Variants in RAPGEF2 observed in about 807,000 individuals in gnomAD.
RAPGEF2 encodes Rap guanine nucleotide exchange factor 2, also known as PDZ domain containing guanine nucleotide exchange factor (GEF) 1.
A neutral mutation model predicts 186.7 loss-of-function variants in RAPGEF2; 54 were observed. That is an observed-to-expected ratio of 0.29 (90% CI 0.23 to 0.36). The LOEUF is 0.36. RAPGEF2 is among the 10% of genes least tolerant of loss of function. RAPGEF2 has a pLI of 1.00. For synonymous variants in RAPGEF2, 712 were observed against 705.9 expected (o/e 1.01, Z -0.14); for missense variants, 1,532 against 2,045.0 (o/e 0.75, Z 4.84).
chr4:159,333,311 C>T (rs1254729655), intron 17 of RAPGEF2, among the ~76,000 whole-genome samples: 4 of 152,110 alleles, frequency 2.6e-5, no homozygotes, highest in Admixed American at 6.6e-5. Flanking sequence ...GTGTGTTTGC[C>T]TCCTGTCTCC....
intron 7 of RAPGEF2, chr4:159,267,063 C>A: frequency 5.1e-6 from 4 of 790,184 alleles, no homozygotes; most frequent in Admixed American, 3.5e-5. Flanking sequence ...ACCATTTGAG[C>A]TGAATATTTC....
intron 7 of RAPGEF2, among the ~76,000 whole-genome samples, chr4:159,289,439 T>A (rs1490108108): frequency 1.3e-5 from 2 of 152,190 alleles, no homozygotes; most frequent in Non-Finnish European, 2.9e-5. Flanking sequence ...TGTTTTAGTT[T>A]TATTCTGGTG....
At chr4:159,324,815 A>G (rs1288177249) in intron 11 of RAPGEF2, among the ~76,000 whole-genome samples, 1 of 152,186 alleles carries the variant, frequency 6.6e-6, no homozygotes, top group Non-Finnish European at 1.5e-5. Context: ...CAACCACTAT[A>G]TTACAGAGAA....
intron 7 of RAPGEF2, among the ~76,000 whole-genome samples, chr4:159,280,358 A>G (rs1759524363): frequency 6.6e-6 from 1 of 152,224 alleles, no homozygotes; most frequent in African/African-American, 2.4e-5. Flanking sequence ...AAGCTGTATT[A>G]AGATATATTT....
intron 17 of RAPGEF2, 33 bp from the exon 18 acceptor site, chr4:159,338,278 G>C (rs1344513040): frequency 6.3e-7 from 1 of 1,583,510 alleles, no homozygotes. Context: ...TTTTTAACTT[G>C]TTGATAATTT....
chr4:159,323,768 G>A, intron 11 of RAPGEF2, 151 bp downstream of exon 11: 1 of 391,598 alleles, frequency 2.6e-6, no homozygotes, highest in Non-Finnish European at 4.1e-6. Context: ...AGCCAGGCTG[G>A]AGTGCAGCGG....
At chr4:159,213,469 C>T (rs1450060990) in intron 4 of RAPGEF2, among the ~76,000 whole-genome samples, 3 of 152,144 alleles carry the variant, frequency 2.0e-5, no homozygotes, top group African/African-American at 2.4e-5. Context: ...ACGGGTAATT[C>T]ACCTTGAAAG....
Position 159,261,458 on chromosome 4 carries a change from T to C in RAPGEF2, c.543+17667T>C, listed in dbSNP as rs71609032. On this transcript the variant is annotated intron_variant, in intron 7 of 29. Transcript: ENST00000691494. The stretch of plus-strand genomic sequence containing the variant: ...GCTAATTATTAGGAAACTATTATGG[T>C]TAGCTGTAATCTGCCTCTCCATAAT... Among the ~76,000 whole-genome samples, 72 of 152,374 alleles carry C rather than the reference T, an allele frequency of 4.7e-4. 1 individual carries two copies. In the East Asian group the frequency reaches 0.011, roughly 23 times the overall value.
chr4:159,253,250 T>G (rs186413789), intron 7 of RAPGEF2, among the ~76,000 whole-genome samples: 1 of 152,370 alleles, frequency 6.6e-6, no homozygotes, highest in African/African-American at 2.4e-5. Context: ...ATGAGGAATT[T>G]AAAACCATGT....
intron 1 of RAPGEF2, among the ~76,000 whole-genome samples, chr4:159,177,412 C>T (rs1009842779): frequency 2.0e-5 from 3 of 152,110 alleles, no homozygotes; most frequent in African/African-American, 7.2e-5. Flanking sequence ...ACTATCAGTA[C>T]TGAAACTATG....
chr4:159,346,757 T>G (rs936726148), intron 24 of RAPGEF2, 32 bp from the exon 25 acceptor site: 4 of 1,573,458 alleles, frequency 2.5e-6, no homozygotes, highest in Non-Finnish European at 2.6e-6. Flanking sequence ...CTAAAATTCT[T>G]TGTTCTATTT....
chr4:159,104,554 G>C (rs561699515), intron 1 of RAPGEF2, among the ~76,000 whole-genome samples: 5 of 113,266 alleles, frequency 4.4e-5, no homozygotes, highest in Non-Finnish European at 3.4e-5. Flanking sequence ...GAGAGAGAGA[G>C]TGTGTGTGTG....
intron 4 of RAPGEF2, among the ~76,000 whole-genome samples, chr4:159,214,720 A>G (rs1561094484): frequency 6.6e-6 from 1 of 152,240 alleles, no homozygotes; most frequent in South Asian, 2.1e-4. Flanking sequence ...CTAAATGTGT[A>G]TCTAGCTCTT....
intron 4 of RAPGEF2, among the ~76,000 whole-genome samples, chr4:159,225,782 G>A (rs1452382708): frequency 6.6e-6 from 1 of 151,736 alleles, no homozygotes; most frequent in Non-Finnish European, 1.5e-5. Context: ...TCTATATCTT[G>A]ACAAAGTGTC....
At chr4:159,175,424 T>C (rs992344101) in intron 1 of RAPGEF2, among the ~76,000 whole-genome samples, 9 of 152,092 alleles carry the variant, frequency 5.9e-5, no homozygotes, top group Non-Finnish European at 8.8e-5. Context: ...GCTGGTGATA[T>C]GACATTTTTG....
At chr4:159,305,440 A>AAC (rs1763165658) in intron 8 of RAPGEF2, among the ~76,000 whole-genome samples, 1 of 152,000 alleles carries the variant, frequency 6.6e-6, no homozygotes, top group Admixed American at 6.6e-5. Context: ...CAGTGATATT[A>AAC]AGCATTTTTT....
intron 7 of RAPGEF2, among the ~76,000 whole-genome samples, chr4:159,294,281 C>G (rs1761626555): frequency 6.6e-6 from 1 of 152,032 alleles, no homozygotes; most frequent in South Asian, 2.1e-4. Flanking sequence ...ATTTCCCGAG[C>G]TCCATACTCC....
In RAPGEF2 at chr4:159,287,321, GAAAT is replaced by G. The variant is rs33985604; in HGVS notation, c.544-17015_544-17012del. Among the ~76,000 whole-genome samples the G allele has an allele frequency of 7.0e-3, 1,069 of 152,142 alleles. 11 individuals carry two copies. The highest frequency in any genetic ancestry group is 0.024 in the African/African-American group (1,011 of 41,526). On this transcript the variant is annotated intron_variant, in intron 7 of 29. Coordinates refer to ENST00000691494, the MANE Select transcript of RAPGEF2 (RefSeq NM_001394067.2). ...ATATTTAACATTTTAATAAAATATGGAAATAAATATTGTTTACCTAAGCAGCAAA... is the reference window on the plus strand; with the variant it reads ...ATATTTAACATTTTAATAAAATATGGAAATATTGTTTACCTAAGCAGCAAA...
intron 7 of RAPGEF2, among the ~76,000 whole-genome samples, chr4:159,272,733 A>G (rs1407959833): frequency 6.6e-6 from 1 of 152,200 alleles, no homozygotes; most frequent in African/African-American, 2.4e-5. Flanking sequence ...ATAGAAGAAT[A>G]TGAGGGTTTG....
Sources: allele counts gnomAD v4.1 joint callset (sites outside exome capture counted in the v4.1 genomes callset), GRCh38; gene constraint gnomAD v4.1.1; transcripts MANE v1.5; gene names NCBI Gene and HGNC (gene_info 2026-07-23, HGNC 2026-07-21).